Variants in MAML2 observed in about 807,000 individuals in gnomAD.
MAML2 encodes mastermind like transcriptional coactivator 2.
A neutral mutation model predicts 96.1 loss-of-function variants in MAML2; 22 were observed. The ratio of observed to expected loss-of-function variants is 0.23; its 90% CI spans 0.16 to 0.33. MAML2 has a LOEUF of 0.33. Ranked by LOEUF, MAML2 falls within the 10% of genes least tolerant of loss-of-function variation. The pLI, the probability that MAML2 is intolerant of heterozygous loss-of-function variation, is 1.00. For missense variants in MAML2, 1,367 were observed against 1,392.4 expected (o/e 0.98, Z 0.29); for synonymous variants, 561 against 521.3 (o/e 1.08, Z -1.04).
intron 2 of MAML2, among the ~76,000 whole-genome samples, chr11:95,998,658 A>C (rs1344369278): frequency 1.3e-5 from 2 of 152,142 alleles, no homozygotes; most frequent in Non-Finnish European, 2.9e-5. Context: ...TAAGTTTTCC[A>C]ACTGTGCTAC....
chr11:96,100,348 C>T (rs748121887), intron 1 of MAML2, among the ~76,000 whole-genome samples: 1 of 151,260 alleles, frequency 6.6e-6, no homozygotes, highest in Admixed American at 6.6e-5. Flanking sequence ...CTCACTCTCT[C>T]GCCCAGGCTG....
At chr11:96,053,563 C>A (rs542961445) in intron 2 of MAML2, among the ~76,000 whole-genome samples, 1 of 151,620 alleles carries the variant, frequency 6.6e-6, no homozygotes, top group Admixed American at 6.6e-5. Flanking sequence ...TCCTTTGGGA[C>A]GGGAAACTCA....
intron 2 of MAML2, among the ~76,000 whole-genome samples, chr11:96,085,857 T>A (rs374348864): frequency 2.6e-5 from 4 of 151,736 alleles, no homozygotes; most frequent in South Asian, 2.1e-4. Context: ...GAAAGAGGAG[T>A]TAATTGTTGC....
chr11:96,006,407 T>G (rs1014942044), intron 2 of MAML2, among the ~76,000 whole-genome samples: 1 of 152,212 alleles, frequency 6.6e-6, no homozygotes, highest in Non-Finnish European at 1.5e-5. Flanking sequence ...AGTCAACTTT[T>G]TTTTGGTCTG....
At chr11:96,276,019 C>A (rs572198735) in intron 1 of MAML2, among the ~76,000 whole-genome samples, 1 of 152,220 alleles carries the variant, frequency 6.6e-6, no homozygotes, top group Admixed American at 6.5e-5. Context: ...AATGTTCTAG[C>A]CAGGAAGATA....
chr11:96,201,686 A>C (rs1002925380), intron 1 of MAML2, among the ~76,000 whole-genome samples: 6 of 149,744 alleles, frequency 4.0e-5, no homozygotes, highest in Admixed American at 2.0e-4. Flanking sequence ...TTGGGAGGCC[A>C]AGGCAGGCGG....
chr11:96,201,958 G>A (rs1861829176), intron 1 of MAML2, among the ~76,000 whole-genome samples: 1 of 151,078 alleles, frequency 6.6e-6, no homozygotes, highest in Non-Finnish European at 1.5e-5. Context: ...GTACCATGAA[G>A]GCCTCATGTT....
At chr11:95,997,434 A>G (rs1858009423) in intron 2 of MAML2, among the ~76,000 whole-genome samples, 2 of 152,180 alleles carry the variant, frequency 1.3e-5, no homozygotes, top group Non-Finnish European at 2.9e-5. Flanking sequence ...GGACTGCCAG[A>G]CCAATGAAAA....
At chr11:96,219,020 G>C (rs1251252662) in intron 1 of MAML2, among the ~76,000 whole-genome samples, 1 of 152,160 alleles carries the variant, frequency 6.6e-6, no homozygotes, top group Admixed American at 6.5e-5. Flanking sequence ...CTTTTCTTGG[G>C]TATGTGCAAA....
At chr11:96,298,712 T>A (rs1464044499) in intron 1 of MAML2, among the ~76,000 whole-genome samples, 1 of 146,778 alleles carries the variant, frequency 6.8e-6, no homozygotes, top group Non-Finnish European at 1.5e-5. Flanking sequence ...TGTGTATAAA[T>A]ATATATATAT....
chr11:96,221,557 G>A (rs1470612202), intron 1 of MAML2, among the ~76,000 whole-genome samples: 1 of 152,124 alleles, frequency 6.6e-6, no homozygotes, highest in Non-Finnish European at 1.5e-5. Flanking sequence ...CAATCATAAG[G>A]ATAAAATATG....
At chr11:96,248,573 C>T (rs1862541204) in intron 1 of MAML2, among the ~76,000 whole-genome samples, 2 of 152,130 alleles carry the variant, frequency 1.3e-5, no homozygotes, top group African/African-American at 2.4e-5. Flanking sequence ...CTCTTTCCCA[C>T]CCAGGGACTT....
At chr11:96,073,382 G>A (rs1224703188) in intron 2 of MAML2, among the ~76,000 whole-genome samples, 1 of 146,436 alleles carries the variant, frequency 6.8e-6, no homozygotes, top group African/African-American at 2.5e-5. Flanking sequence ...GTGCAGTGGT[G>A]CTATCTCAGC....
intron 2 of MAML2, among the ~76,000 whole-genome samples, chr11:96,003,779 T>TA (rs1858134965): frequency 6.6e-6 from 1 of 152,178 alleles, no homozygotes; most frequent in South Asian, 2.1e-4. Flanking sequence ...TTGAATATCA[T>TA]ATAAATTTTC....
At chr11:96,125,655 G>T (rs913159657) in intron 1 of MAML2, among the ~76,000 whole-genome samples, 1 of 152,156 alleles carries the variant, frequency 6.6e-6, no homozygotes, top group Non-Finnish European at 1.5e-5. Flanking sequence ...TGTTATTTAT[G>T]ATCCAAGCAG....
chr11:95,992,512 T>G (rs756281886), intron 2 of MAML2, among the ~76,000 whole-genome samples: 3 of 152,212 alleles, frequency 2.0e-5, no homozygotes, highest in Non-Finnish European at 4.4e-5. Context: ...ATATTCTCAT[T>G]AATTCCCAAT....
At chr11:96,284,054 T>C (rs1336351418) in intron 1 of MAML2, among the ~76,000 whole-genome samples, 2 of 152,208 alleles carry the variant, frequency 1.3e-5, no homozygotes, top group East Asian at 3.8e-4. Context: ...CTCTTACATC[T>C]TTCTGCTGCA....
At chr11:96,058,699 T>C (rs1420935140) in intron 2 of MAML2, among the ~76,000 whole-genome samples, 1 of 152,178 alleles carries the variant, frequency 6.6e-6, no homozygotes, top group Non-Finnish European at 1.5e-5. Context: ...ATTCCTGTTG[T>C]AGGAGCCATC....
At chr11:96,118,179 T>G (rs1565220182) in intron 1 of MAML2, among the ~76,000 whole-genome samples, 1 of 152,186 alleles carries the variant, frequency 6.6e-6, no homozygotes, top group Non-Finnish European at 1.5e-5. Context: ...TAGGAGAGCA[T>G]GCTAAACTAC....
Sources: gnomAD v4.1 joint callset for allele counts (sites outside exome capture counted in the v4.1 genomes callset) on GRCh38, gnomAD v4.1.1 for gene constraint, MANE v1.5 for transcripts, NCBI Gene and HGNC (gene_info 2026-07-23, HGNC 2026-07-21) for gene names.